The following SLC16A5 variants were observed in gnomAD, a reference collection of about 807,000 sequenced individuals.
SLC16A5 encodes monocarboxylate transporter 6.
Under a neutral mutation model 33.2 loss-of-function variants are expected in SLC16A5, and 29 were observed. The observed-to-expected ratio is 0.87, with a 90% CI of 0.65 to 1.19. SLC16A5 has a LOEUF of 1.19. SLC16A5 is among the 50% of genes most tolerant of loss of function. The probability of loss-of-function intolerance (pLI) is 0.00; values close to 1 mark genes in which losing one functional copy is unlikely to be tolerated. For missense variants in SLC16A5, 606 were observed against 678.2 expected (o/e 0.89, Z 1.18); for synonymous variants, 248 against 284.1 (o/e 0.87, Z 1.28).
chr17:75,094,682 C>G (rs1331187375), intron 3 of SLC16A5, among the ~76,000 whole-genome samples: 2 of 45,532 alleles, frequency 4.4e-5, no homozygotes, highest in Non-Finnish European at 9.2e-5. Flanking sequence ...GTGAAACTGT[C>G]TCAAAAAAAA....
At chr17:75,099,705 C>T (rs892732936) in intron 4 of SLC16A5, among the ~76,000 whole-genome samples, 1 of 152,226 alleles carries the variant, frequency 6.6e-6, no homozygotes, top group African/African-American at 2.4e-5. Context: ...TCCCAAAGTG[C>T]TGGGATTACA....
chr17:75,087,952 C>T (rs937806476), upstream of SLC16A5: 1 of 152,174 alleles, frequency 6.6e-6, no homozygotes. Context: ...GGCGCTTGGC[C>T]CAGTCCCGCG....
downstream of SLC16A5, among the ~76,000 whole-genome samples, chr17:75,107,867 G>A (rs1459942356): frequency 2.0e-5 from 3 of 152,110 alleles, no homozygotes; most frequent in Non-Finnish European, 4.4e-5. Flanking sequence ...AACCTGGGAG[G>A]CGGAGCTTCC....
intron 3 of SLC16A5, among the ~76,000 whole-genome samples, chr17:75,095,897 G>A (rs2073712221): frequency 6.6e-6 from 1 of 151,788 alleles, no homozygotes; most frequent in East Asian, 1.9e-4. Context: ...CTGACCTCAT[G>A]ATCTGCTGGC....
chr17:75,093,189 T>C, intron 2 of SLC16A5: 1 of 536,608 alleles, frequency 1.9e-6, no homozygotes, highest in South Asian at 2.6e-5. Flanking sequence ...TTGGGGGGCG[T>C]TGGGACTACA....
chr17:75,093,674 C>A lies in SLC16A5; in HGVS notation c.38C>A (p.Ala13Asp). The stretch of plus-strand genomic sequence containing the variant: ...CTGGAGCGTGCAGATGGCAGCTGGG[C>A]CTGGGTGGTGCTGCTGGCCACCATG... The part of the protein sequence containing the change: ...QALERADGSW[A>D]WVVLLATMVT... Residue 13 changes from alanine to aspartate, a missense_variant, in exon 3 of 7, where the codon GCC becomes GAC. Ala to Asp is a moderately radical substitution (Grantham distance 126). Coordinates refer to ENST00000329783, the MANE Select transcript of SLC16A5 (RefSeq NM_004695.4). 1.2e-6 allele frequency: 2 copies of A among 1,613,696 alleles called. No individual in the cohort carries two copies. The highest frequency in any genetic ancestry group is 1.7e-6 in the Non-Finnish European group (2 of 1,179,980).
intron 5 of SLC16A5, among the ~76,000 whole-genome samples, chr17:75,102,411 AAAAAT>A (rs1248313225): frequency 6.6e-5 from 10 of 152,032 alleles, no homozygotes; most frequent in Admixed American, 6.5e-4. Flanking sequence ...CCAACTCGAA[AAAAAT>A]AAAAGGTCCC....
chr17:75,095,974 T>C (rs1307743048), intron 3 of SLC16A5, among the ~76,000 whole-genome samples: 1 of 151,648 alleles, frequency 6.6e-6, no homozygotes, highest in Non-Finnish European at 1.5e-5. Flanking sequence ...CCAGCTAATT[T>C]TTTTACTTTT....
At chr17:75,088,937 C>T (rs1207590988) in intron 1 of SLC16A5, 1 of 152,198 alleles carries the variant, frequency 6.6e-6, no homozygotes, top group East Asian at 1.9e-4. Context: ...CCAGAAGTAT[C>T]GTCTAAACTT....
At chr17:75,092,714 C>T (rs1380125901) in intron 2 of SLC16A5, among the ~76,000 whole-genome samples, 2 of 151,302 alleles carry the variant, frequency 1.3e-5, no homozygotes, top group Non-Finnish European at 3.0e-5. Context: ...AAGTGTGTGT[C>T]TCTGTGTGTG....
chr17:75,103,139 T>G (rs2073820874), intron 5 of SLC16A5, among the ~76,000 whole-genome samples: 2 of 152,278 alleles, frequency 1.3e-5, no homozygotes, highest in South Asian at 4.1e-4. Flanking sequence ...TCTGCCGGCC[T>G]CGGCCTCCCA....
intron 3 of SLC16A5, among the ~76,000 whole-genome samples, chr17:75,097,598 C>G (rs1242831068): frequency 6.6e-6 from 1 of 152,010 alleles, no homozygotes; most frequent in Non-Finnish European, 1.5e-5. Flanking sequence ...GGGGATGGGG[C>G]AGGTAAAACA....
At position 75,105,974 on chromosome 17, in the gene SLC16A5, T is replaced by C. The variant is rs779011352; in HGVS notation, c.1459T>C (p.Trp487Arg). 5.6e-6 allele frequency: 9 copies of C among 1,610,698 alleles called. No individual in the cohort carries two copies. Among genetic ancestry groups the C allele is most frequent in the Admixed American group, 1.7e-5 (1 of 59,742 alleles). Residue 487 changes from tryptophan to arginine, a missense_variant, in exon 7 of 7, where the codon TGG becomes CGG. Physicochemically the swap from Trp to Arg is moderately radical, Grantham distance 101. Coordinates refer to ENST00000329783, the MANE Select transcript of SLC16A5 (RefSeq NM_004695.4). ...SSRTSHEWLLWPKAVLQAKQT... is the reference protein window; with the variant it reads ...SSRTSHEWLLRPKAVLQAKQT... The stretch of plus-strand genomic sequence containing the variant: ...CAGGACCAGCCATGAGTGGCTCTTA[T>C]GGCCAAAGGCGGTACTGCAGGCCAA...
upstream of SLC16A5, chr17:75,087,934 C>T (rs919242334): frequency 1.8e-4 from 27 of 152,264 alleles, no homozygotes; most frequent in African/African-American, 6.3e-4. Context: ...CCCGCCCTGC[C>T]TGGCCGCGGC....
downstream of SLC16A5, among the ~76,000 whole-genome samples, chr17:75,107,797 C>T (rs1209395772): frequency 1.3e-5 from 2 of 152,144 alleles, no homozygotes; most frequent in African/African-American, 2.4e-5. Flanking sequence ...ATTAGCCGGG[C>T]GTCGTGGCGG....
chr17:75,093,880 C>T lies in SLC16A5; in HGVS notation c.199+45C>T, dbSNP rs370616092. 107 of 1,580,742 alleles carry T rather than the reference C, an allele frequency of 6.8e-5. No individual in the cohort carries two copies. The African/African-American group carries it at 1.1e-3, about 17-fold the overall frequency. On this transcript the variant is annotated intron_variant, in intron 3 of 6. Transcript: ENST00000329783. The stretch of plus-strand genomic sequence containing the variant: ...GCCGATGAGAAAGTCCTAGGGGTTG[C>T]GGGGAAGCCACAACCTCCCTGGCCT...
In SLC16A5 at chr17:75,100,831, G is replaced by C. The variant is rs1228641327; in HGVS notation, c.1153+15G>C. ...ACCACTGGCCGGTGAGGAGCTGGGA[G>C]GGAGGGCAGCCAGATAGTGTGGTAA... On this transcript the variant is annotated intron_variant, in intron 5 of 6. Coordinates refer to ENST00000329783, the MANE Select transcript of SLC16A5 (RefSeq NM_004695.4). 6.4e-7 allele frequency: 1 copy of C among 1,558,928 alleles called. No homozygotes were observed. Among genetic ancestry groups the C allele is most frequent in the East Asian group, 2.4e-5 (1 of 42,378 alleles).
chr17:75,103,333 C>CTTTT (rs1194395211), intron 5 of SLC16A5, among the ~76,000 whole-genome samples: 2 of 128,620 alleles, frequency 1.6e-5, no homozygotes, highest in Non-Finnish European at 1.6e-5. Context: ...CAAGGGAATT[C>CTTTT]TTTTTTTTTT....
chr17:75,100,556 C>T lies in SLC16A5; in HGVS notation c.893C>T (p.Pro298Leu), dbSNP rs147815125. ...CTAGCCGGGCTGATGGCAGGACGGC[C>T]GGCCTTTGCTAGCCACCGCAAGTAC... ...RPLAGLMAGR[P>L]AFASHRKYLF... is the part of the protein sequence containing the mutation. Residue 298 changes from proline to leucine, a missense_variant, in exon 5 of 7, where the codon CCG (proline) becomes CTG (leucine). Physicochemically the swap from Pro to Leu is moderately conservative, Grantham distance 98. Transcript: ENST00000329783. 5.5e-4 allele frequency: 883 copies of T among 1,614,082 alleles called. 1 individual carries two copies. The highest frequency in any genetic ancestry group is 7.3e-4 in the Non-Finnish European group (859 of 1,180,044).
Sources: allele counts gnomAD v4.1 joint callset (sites outside exome capture counted in the v4.1 genomes callset), GRCh38; gene constraint gnomAD v4.1.1; transcripts MANE v1.5; gene names NCBI Gene and HGNC (gene_info 2026-07-23, HGNC 2026-07-21).